The following DPF3 variants were observed in gnomAD, a reference collection of about 807,000 sequenced individuals.
DPF3 encodes the protein zinc finger protein DPF3.
In DPF3, 18 loss-of-function variants were observed where a neutral mutation model predicts 56.8. The ratio of observed to expected loss-of-function variants is 0.32; its 90% CI spans 0.22 to 0.47. The LOEUF (loss-of-function observed/expected upper bound fraction) is 0.47. DPF3 is among the 20% of genes least tolerant of loss of function. DPF3 has a pLI of 1.00. For missense variants in DPF3, 403 were observed against 488.8 expected, an observed-to-expected ratio of 0.82 and a Z score of 1.65; for synonymous variants, 188 against 180.2, an observed-to-expected ratio of 1.04 and a Z score of -0.35.
At chr14:72,734,222 A>C (rs1304695501) in intron 3 of DPF3, among the ~76,000 whole-genome samples, 2 of 152,254 alleles carry the variant, frequency 1.3e-5, no homozygotes, top group African/African-American at 4.8e-5. Context: ...GAATTGTCGT[A>C]AATGTTAGGG....
intron 1 of DPF3, among the ~76,000 whole-genome samples, chr14:72,814,299 C>G (rs1883189390): frequency 6.6e-6 from 1 of 152,136 alleles, no homozygotes; most frequent in African/African-American, 2.4e-5. Flanking sequence ...CACTTCTCTT[C>G]TATGCTCACC....
chr14:72,645,270 A>G (rs1231011379), intron 8 of DPF3, among the ~76,000 whole-genome samples: 3 of 152,086 alleles, frequency 2.0e-5, no homozygotes, highest in Admixed American at 2.0e-4. Context: ...TCTGTCTTCA[A>G]AGCAAACAGA....
Position 72,610,584 on chromosome 14 carries a change from C to T in DPF3, c.*8713G>A, listed in dbSNP as rs116450335. ...CCCTCACCCTGAACCCACTTGGCAA[C>T]GGGGAGATGACCTGGTTGAGGTCTA... On this transcript the variant is annotated 3_prime_UTR_variant, in exon 11 of 11. Transcript: ENST00000556509. Among the ~76,000 whole-genome samples, 92 of 152,332 alleles carry T rather than the reference C, an allele frequency of 6.0e-4. No individual in the cohort carries two copies. The highest frequency in any genetic ancestry group is 2.0e-3 in the African/African-American group (84 of 41,566).
chr14:72,809,180 C>T (rs530339962), intron 1 of DPF3, among the ~76,000 whole-genome samples: 6 of 152,378 alleles, frequency 3.9e-5, no homozygotes, highest in African/African-American at 1.4e-4. Flanking sequence ...CGCCAGAGGA[C>T]AGGGCCATGC....
At position 72,714,432 on chromosome 14, in the gene DPF3, C is replaced by T. The variant is rs372100997; in HGVS notation, c.595G>A (p.Val199Ile). The T allele has an allele frequency of 4.0e-5, 64 of 1,613,724 alleles. No individual in the cohort carries two copies. The highest frequency in any genetic ancestry group is 5.3e-5 in the African/African-American group (4 of 74,910). Residue 199 changes from valine to isoleucine, a missense_variant, in exon 6 of 11, where the codon GTC becomes ATC. Coordinates refer to ENST00000556509, the MANE Select transcript of DPF3 (RefSeq NM_001280542.3). Reference protein sequence around the residue: ...ASQEDHDKPYVCDICGKRYKN... With the variant: ...ASQEDHDKPYICDICGKRYKN... ...ACCGGCCCATACTTACTGTCACAGA[C>T]GTAAGGTTTGTCGTGGTCTTCCTGA...
chr14:72,818,335 C>T (rs932050137), intron 1 of DPF3, among the ~76,000 whole-genome samples: 32 of 149,898 alleles, frequency 2.1e-4, no homozygotes, highest in African/African-American at 7.5e-4. Flanking sequence ...ATAAGAATCA[C>T]AAAAGGGAAA....
At chr14:72,628,576 A>C (rs1884973480) in intron 9 of DPF3, among the ~76,000 whole-genome samples, 2 of 152,166 alleles carry the variant, frequency 1.3e-5, no homozygotes, top group Admixed American at 6.5e-5. Context: ...AAAGAGAAAC[A>C]TCAGGCATTA....
At position 72,618,734 on chromosome 14, in the gene DPF3, C is replaced by G. The variant is rs1884240436; in HGVS notation, c.*563G>C. Among the ~76,000 whole-genome samples, 1 of 151,410 alleles carries G rather than the reference C, an allele frequency of 6.6e-6. No homozygotes were observed. The highest frequency in any genetic ancestry group is 2.4e-5 in the African/African-American group (1 of 41,304). ...ACTGCTGGGGTTCTAGAAGGCAACTCTTTGTCTCCACAGACACCAAGGAAC... is the reference window on the plus strand; with the variant it reads ...ACTGCTGGGGTTCTAGAAGGCAACTGTTTGTCTCCACAGACACCAAGGAAC... On this transcript the variant is annotated 3_prime_UTR_variant, in exon 11 of 11. Coordinates refer to ENST00000556509, the MANE Select transcript of DPF3 (RefSeq NM_001280542.3).
At chr14:72,755,513 C>T (rs548400887) in intron 2 of DPF3, among the ~76,000 whole-genome samples, 39 of 152,256 alleles carry the variant, frequency 2.6e-4, no homozygotes, top group African/African-American at 9.4e-4. Context: ...AGCCTATTGC[C>T]TCACCTGTAA....
intron 1 of DPF3, among the ~76,000 whole-genome samples, chr14:72,810,613 T>A (rs12891101): frequency 1.8e-3 from 1 of 550 alleles, no homozygotes; most frequent in East Asian, 0.042. Flanking sequence ...GGGAAAAGAA[T>A]AACTCTAAGA....
chr14:72,871,126 C>T (rs1166037991), intron 1 of DPF3, among the ~76,000 whole-genome samples: 2 of 152,154 alleles, frequency 1.3e-5, no homozygotes, highest in South Asian at 2.1e-4. Flanking sequence ...ACGAGAATAG[C>T]CCAGGAAAGA....
At chr14:72,769,678 CAA>C (rs59586674) in intron 2 of DPF3, among the ~76,000 whole-genome samples, 5 of 42,754 alleles carry the variant, frequency 1.2e-4, no homozygotes, top group Non-Finnish European at 2.2e-4. Context: ...GACTCCATCT[CAA>C]AAAAAAAAAA....
intron 1 of DPF3, among the ~76,000 whole-genome samples, chr14:72,834,508 A>C: frequency 6.6e-6 from 1 of 151,448 alleles, no homozygotes; most frequent in East Asian, 1.9e-4. Flanking sequence ...AAAAAAAAAA[A>C]AAAAAAAATC....
chr14:72,767,056 GCAA>G (rs993605402), intron 2 of DPF3, among the ~76,000 whole-genome samples: 3 of 152,164 alleles, frequency 2.0e-5, no homozygotes, highest in African/African-American at 7.2e-5. Context: ...CCTCCACTCA[GCAA>G]CAACAAGGTG....
chr14:72,862,485 C>T (rs1885477821), intron 1 of DPF3, among the ~76,000 whole-genome samples: 1 of 152,096 alleles, frequency 6.6e-6, no homozygotes, highest in South Asian at 2.1e-4. Flanking sequence ...TTTGCTGTTA[C>T]CACGTGGTCC....
chr14:72,876,007 A>G (rs1246516613), intron 1 of DPF3, among the ~76,000 whole-genome samples: 1 of 152,050 alleles, frequency 6.6e-6, no homozygotes. Flanking sequence ...TTGGATTTAT[A>G]TATTTTATTT....
chr14:72,651,239 C>T lies in DPF3; in HGVS notation c.872-21503G>A, dbSNP rs938492678. On this transcript the variant is annotated intron_variant, in intron 8 of 10. Coordinates refer to ENST00000556509, the MANE Select transcript of DPF3 (RefSeq NM_001280542.3). The stretch of plus-strand genomic sequence containing the variant: ...GGGTCTGGAATCTTGGCATCGTGCT[C>T]CGGGGCTGCTCCTTCTTCCTGTTCA... 1.3e-4 allele frequency among the ~76,000 whole-genome samples: 20 copies of T among 152,300 alleles called. No homozygotes were observed. In the East Asian group the frequency reaches 1.5e-3, roughly 12 times the overall value.
chr14:72,729,836 G>A (rs571633178), intron 4 of DPF3, among the ~76,000 whole-genome samples: 18 of 152,278 alleles, frequency 1.2e-4, no homozygotes, highest in African/African-American at 1.7e-4. Flanking sequence ...GTATGATACC[G>A]TAAGAGTGGA....
rs1229534168 is a variant in DPF3, at chr14:72,724,174, T to C, written c.430-446A>G. On this transcript the variant is annotated intron_variant, in intron 4 of 10. Coordinates refer to ENST00000556509, the MANE Select transcript of DPF3 (RefSeq NM_001280542.3). ...TCTGATGAAAGCAAGTAACTTCCTG[T>C]TCATCTGACCAGATTTAACACGAAT... 5 of 155,324 alleles carry C rather than the reference T, an allele frequency of 3.2e-5. No homozygotes were observed. In the East Asian group the frequency reaches 7.7e-4, roughly 24 times the overall value. 9.6% of individuals were successfully genotyped at this position (155,324 alleles called of 1,614,324 possible). A position where few individuals can be genotyped will look rare whatever the true frequency, so the allele number is the denominator to read the frequency against.
Sources: allele counts gnomAD v4.1 joint callset (sites outside exome capture counted in the v4.1 genomes callset), GRCh38; gene constraint gnomAD v4.1.1; transcripts MANE v1.5; gene names NCBI Gene and HGNC (gene_info 2026-07-23, HGNC 2026-07-21).